The following ATG7 variants were observed in gnomAD, a reference collection of about 807,000 sequenced individuals.
ATG7 encodes the protein autophagy related 7.
ATG7 carries 70 observed loss-of-function variants against 82.4 expected under a neutral mutation model. The observed-to-expected ratio is 0.85, with a 90% CI of 0.70 to 1.04. The LOEUF (loss-of-function observed/expected upper bound fraction) is 1.04. Ranked by LOEUF, ATG7 falls within the 50% of genes least tolerant of loss-of-function variation. ATG7 has a pLI of 0.00. For missense variants in ATG7, 792 were observed against 864.3 expected (o/e 0.92, Z 1.05); for synonymous variants, 287 against 313.0 (o/e 0.92, Z 0.88).
intron 18 of ATG7, among the ~76,000 whole-genome samples, chr3:11,372,821 CGTGT>C (rs1205217101): frequency 8.0e-6 from 1 of 125,308 alleles, no homozygotes; most frequent in Non-Finnish European, 1.6e-5. Context: ...TGTGTGCGCG[CGTGT>C]GCGTGTGTGT....
Position 11,379,929 on chromosome 3 carries a change from G to A in ATG7, c.1876-43G>A, listed in dbSNP as rs750632214. On this transcript the variant is annotated intron_variant, in intron 18 of 20. Coordinates refer to ENST00000693202, the MANE Select transcript of ATG7 (RefSeq NM_001349232.2). ...AGACGTGCATTTCATAGATGTGGTCGTTGTGTGTTTGATGTGAATTGTTTT... is the reference window on the plus strand; with the variant it reads ...AGACGTGCATTTCATAGATGTGGTCATTGTGTGTTTGATGTGAATTGTTTT... 4.8e-5 allele frequency: 76 copies of A among 1,577,762 alleles called. 1 individual carries two copies. Among genetic ancestry groups the A allele is most frequent in the South Asian group, 3.4e-4 (31 of 90,284 alleles).
intron 11 of ATG7, among the ~76,000 whole-genome samples, chr3:11,338,729 G>A (rs1349599531): frequency 6.6e-6 from 1 of 152,166 alleles, no homozygotes; most frequent in South Asian, 2.1e-4. Context: ...ATTTAAAAGG[G>A]GGAAGGACGT....
At chr3:11,519,223 A>G (rs1021208151) in intron 20 of ATG7, among the ~76,000 whole-genome samples, 2 of 152,210 alleles carry the variant, frequency 1.3e-5, no homozygotes, top group Non-Finnish European at 2.9e-5. Context: ...GTTTATACCA[A>G]TGAGTTTCCT....
downstream of ATG7, chr3:11,559,190 A>C: frequency 7.3e-7 from 1 of 1,372,320 alleles, no homozygotes; most frequent in Non-Finnish European, 9.6e-7. Context: ...CTAGGCGCAC[A>C]CTGGACGTGC....
intron 20 of ATG7, among the ~76,000 whole-genome samples, chr3:11,491,640 T>A (rs1239409576): frequency 6.6e-6 from 1 of 152,162 alleles, no homozygotes; most frequent in East Asian, 1.9e-4. Context: ...TGATGTACAG[T>A]TGGGTTTTTG....
rs5846707 is a variant in ATG7 at position 11,381,300 on chromosome 3, A to ATT, written c.1956+1257_1956+1258dup. On this transcript the variant is annotated intron_variant, in intron 19 of 20. Transcript: ENST00000693202. Reference sequence around the variant, plus strand: ...GTATACTACATCTTTAGTGGAGCAGATTTTTTTTTTCTTTGAATGGTTGAG... The same window carrying ATT: ...GTATACTACATCTTTAGTGGAGCAGATTTTTTTTTTTTCTTTGAATGGTTGAG... Among the ~76,000 whole-genome samples, 5 of 150,914 alleles carry ATT rather than the reference A, an allele frequency of 3.3e-5. No homozygotes were observed. The South Asian group carries it at 6.3e-4, about 19-fold the overall frequency.
intron 14 of ATG7, 144 bp downstream of exon 14, chr3:11,348,179 C>A: frequency 8.6e-7 from 1 of 1,167,108 alleles, no homozygotes. Flanking sequence ...ACCTCTGTTT[C>A]CTCATCTCAG....
intron 20 of ATG7, among the ~76,000 whole-genome samples, chr3:11,441,335 C>T (rs1158786580): frequency 6.6e-6 from 1 of 152,000 alleles, no homozygotes; most frequent in African/African-American, 2.4e-5. Context: ...CCTCTGCCTC[C>T]AGGTCTAAGA....
downstream of ATG7, chr3:11,558,475 ATTTTTTT>A (rs369629845): frequency 3.8e-6 from 3 of 789,786 alleles, no homozygotes; most frequent in Admixed American, 6.3e-5. Flanking sequence ...CACCCCCATG[ATTTTTTT>A]TTTTTTAAGT....
At chr3:11,489,548 A>T (rs1459699907) in intron 20 of ATG7, among the ~76,000 whole-genome samples, 3 of 141,826 alleles carry the variant, frequency 2.1e-5, no homozygotes, top group Admixed American at 1.4e-4. Flanking sequence ...TTGCTTTTCT[A>T]GTTCTTTTAA....
chr3:11,288,306 A>G (rs1944419518), intron 3 of ATG7, among the ~76,000 whole-genome samples: 1 of 152,202 alleles, frequency 6.6e-6, no homozygotes, highest in African/African-American at 2.4e-5. Flanking sequence ...TATAGCATCC[A>G]TCCATTGGCC....
At chr3:11,296,517 C>T (rs1417053708) in intron 3 of ATG7, among the ~76,000 whole-genome samples, 1 of 152,204 alleles carries the variant, frequency 6.6e-6, no homozygotes, top group Admixed American at 6.5e-5. Context: ...TAGCTGATTT[C>T]CCTGCCTGCC....
chr3:11,518,600 T>C (rs2092350170), intron 20 of ATG7, among the ~76,000 whole-genome samples: 1 of 151,612 alleles, frequency 6.6e-6, no homozygotes, highest in Non-Finnish European at 1.5e-5. Context: ...TGCAGATCAC[T>C]CTTTGTTACT....
intron 20 of ATG7, among the ~76,000 whole-genome samples, chr3:11,551,860 T>C (rs1315226226): frequency 6.6e-6 from 1 of 152,176 alleles, no homozygotes; most frequent in Non-Finnish European, 1.5e-5. Context: ...GCCATTCTCC[T>C]GCCTCAGCCT....
At chr3:11,573,233 AGAAAAGAAATAG>A in the ATG7 span, among the ~76,000 whole-genome samples, 5 of 132,230 alleles carry the variant, frequency 3.8e-5, no homozygotes, top group African/African-American at 1.4e-4. Flanking sequence ...ACAGACAGAA[AGAAAAGAAATAG>A]AGAAAGAAAG....
At chr3:11,473,783 CTT>C (rs1325280515) in intron 20 of ATG7, among the ~76,000 whole-genome samples, 2 of 152,196 alleles carry the variant, frequency 1.3e-5, no homozygotes, top group Non-Finnish European at 2.9e-5. Context: ...TAAATCAAGA[CTT>C]TATTTTTAAA....
intron 20 of ATG7, among the ~76,000 whole-genome samples, chr3:11,491,448 G>C (rs2442786): frequency 6.6e-6 from 1 of 151,886 alleles, no homozygotes; most frequent in South Asian, 2.1e-4. Context: ...TAGTTTGATC[G>C]TCAGAAGCCT....
At chr3:11,548,502 G>A (rs1392089577) in intron 20 of ATG7, among the ~76,000 whole-genome samples, 3 of 152,346 alleles carry the variant, frequency 2.0e-5, no homozygotes, top group African/African-American at 7.2e-5. Flanking sequence ...GCTCAGAGCA[G>A]TCTCGCCTTC....
chr3:11,480,333 T>A (rs747362118), intron 20 of ATG7, among the ~76,000 whole-genome samples: 2 of 151,444 alleles, frequency 1.3e-5, no homozygotes, highest in African/African-American at 2.4e-5. Context: ...CCAGAAGGAG[T>A]TCAAGACCAG....
Sources: gnomAD v4.1 joint callset for allele counts (sites outside exome capture counted in the v4.1 genomes callset) on GRCh38, gnomAD v4.1.1 for gene constraint, MANE v1.5 for transcripts, NCBI Gene and HGNC (gene_info 2026-07-23, HGNC 2026-07-21) for gene names.